The following MACF1 variants were observed in gnomAD, a reference collection of about 807,000 sequenced individuals.
MACF1 encodes the protein microtubule-actin cross-linking factor 1.
In MACF1, 193 loss-of-function variants were observed where a neutral mutation model predicts 854.8. The ratio of observed to expected loss-of-function variants is 0.23; its 90% CI spans 0.20 to 0.25. The LOEUF (loss-of-function observed/expected upper bound fraction) is 0.25. Ranked by LOEUF, MACF1 falls within the 10% of genes least tolerant of loss-of-function variation. MACF1 has a pLI of 1.00. For synonymous variants in MACF1, 3,185 were observed against 3,226.7 expected, an observed-to-expected ratio of 0.99 and a Z score of 0.44; for missense variants, 7,722 against 8,929.1, an observed-to-expected ratio of 0.86 and a Z score of 5.45.
chr1:39,303,876 CAA>C (rs759506102), intron 23 of MACF1, among the ~76,000 whole-genome samples: 6 of 90,800 alleles, frequency 6.6e-5, no homozygotes, highest in Middle Eastern at 6.0e-3. Context: ...GACTCCGTCT[CAA>C]AAAAAAAAAA....
At chr1:39,462,602 C>T (rs1257012199) in intron 93 of MACF1, among the ~76,000 whole-genome samples, 1 of 151,388 alleles carries the variant, frequency 6.6e-6, no homozygotes, top group Non-Finnish European at 1.5e-5. Flanking sequence ...GTAGCCCCAG[C>T]TACTCAGGAG....
intron 70 of MACF1, 29 bp from the exon 71 acceptor site, chr1:39,437,748 G>A (rs755763207): frequency 2.0e-6 from 3 of 1,479,732 alleles, no homozygotes; most frequent in African/African-American, 2.8e-5. Flanking sequence ...GAGGTATGCT[G>A]TGATGGTAAT....
At chr1:39,245,236 A>G (rs942765350) in intron 2 of MACF1, among the ~76,000 whole-genome samples, 9 of 152,182 alleles carry the variant, frequency 5.9e-5, no homozygotes, top group Non-Finnish European at 1.0e-4. Flanking sequence ...GTAGTGTTTA[A>G]TATCTGTTGA....
At chr1:39,097,772 C>A (rs1425398501) in intron 2 of MACF1, among the ~76,000 whole-genome samples, 2 of 152,030 alleles carry the variant, frequency 1.3e-5, no homozygotes, top group African/African-American at 4.8e-5. Context: ...GTTATAGGGG[C>A]CTGTGCCCCA....
intron 2 of MACF1, among the ~76,000 whole-genome samples, chr1:39,132,962 C>T (rs1040089881): frequency 2.0e-5 from 3 of 152,182 alleles, no homozygotes; most frequent in African/African-American, 4.8e-5. Flanking sequence ...TAGAAAAGCT[C>T]GGTCCCTCAT....
chr1:39,384,658 A>G (rs1650531387), intron 56 of MACF1, among the ~76,000 whole-genome samples: 1 of 152,256 alleles, frequency 6.6e-6, no homozygotes, highest in South Asian at 2.1e-4. Context: ...ATTATGCTAT[A>G]TTATAAAATA....
chr1:39,421,448 A>T (rs1301369053), intron 58 of MACF1, among the ~76,000 whole-genome samples: 1 of 152,134 alleles, frequency 6.6e-6, no homozygotes, highest in Non-Finnish European at 1.5e-5. Context: ...TTCCCTTTGT[A>T]ATCAGAGGAA....
At chr1:39,247,894 C>T (rs563331828) in intron 2 of MACF1, among the ~76,000 whole-genome samples, 2 of 152,182 alleles carry the variant, frequency 1.3e-5, no homozygotes, top group African/African-American at 2.4e-5. Context: ...TGGTGGTGCG[C>T]ACCTGTAATC....
intron 38 of MACF1, among the ~76,000 whole-genome samples, chr1:39,337,994 C>T (rs566204273): frequency 1.3e-5 from 2 of 152,264 alleles, no homozygotes; most frequent in Admixed American, 1.3e-4. Flanking sequence ...TGGTCTTGAT[C>T]TCCTGACCTC....
At chr1:39,285,561 G>A (rs1410314009) in intron 13 of MACF1, 43 bp from the exon 14 acceptor site, 1 of 1,598,332 alleles carries the variant, frequency 6.3e-7, no homozygotes, top group Non-Finnish European at 8.6e-7. Flanking sequence ...AGTGAGTGGG[G>A]CAATGGAAGT....
Position 39,357,680 on chromosome 1 carries a change from C to G in MACF1, c.11730C>G (p.Pro3910=). The G allele has an allele frequency of 6.2e-7, 1 of 1,614,086 alleles. No homozygotes were observed. The highest frequency in any genetic ancestry group is 8.5e-7 in the Non-Finnish European group (1 of 1,180,014). The part of the protein sequence containing the change: ...LENMHKGGSS[P]ETLPSLLKRQ... ...ACATGCATAAGGGAGGCAGCAGCCC[C>G]GAGACCCTTCCCTCCCTGCTAAAGC... Residue 3910 remains proline, a synonymous_variant, in exon 45 of 101, where the codon CCC becomes CCG. Coordinates refer to ENST00000564288, the MANE Select transcript of MACF1 (RefSeq NM_001394062.1).
intron 58 of MACF1, chr1:39,412,948 G>T: frequency 1.9e-6 from 3 of 1,599,134 alleles, no homozygotes; most frequent in South Asian, 1.1e-5. Flanking sequence ...AGAGGAGGAG[G>T]ATGTCACAGC....
rs777393576 is a variant in MACF1, at chr1:39,447,666, A to G, written c.19762-26A>G. On this transcript the variant is annotated intron_variant, in intron 81 of 100. Transcript: ENST00000564288. ...ATGCCCCTTTATCTTATCTTAAGCT[A>G]AAAAAGAGCACTATTGTTCCCTCAG... 11 of 1,613,738 alleles carry G rather than the reference A, an allele frequency of 6.8e-6. No homozygotes were observed. In the East Asian group the frequency reaches 1.3e-4, roughly 20 times the overall value.
At chr1:39,086,365 G>T (rs561016105) in intron 2 of MACF1, among the ~76,000 whole-genome samples, 4 of 152,222 alleles carry the variant, frequency 2.6e-5, no homozygotes, top group African/African-American at 9.6e-5. Context: ...GCAGGAGGGA[G>T]AGTTGGAGCT....
intron 58 of MACF1, among the ~76,000 whole-genome samples, chr1:39,406,496 T>G (rs1642704337): frequency 6.6e-6 from 1 of 151,720 alleles, no homozygotes. Flanking sequence ...CCCAGCACTT[T>G]GGGAGGCTGA....
chr1:39,305,193 G>A (rs938023422), intron 23 of MACF1, among the ~76,000 whole-genome samples: 4 of 150,966 alleles, frequency 2.6e-5, no homozygotes, highest in Non-Finnish European at 5.9e-5. Context: ...CCCAGGGTGT[G>A]GAGGTTGCAG....
rs1646393378 is a variant in MACF1, at chr1:39,315,424, C to T, written c.3271-89C>T. 5 of 1,235,534 alleles carry T rather than the reference C, an allele frequency of 4.0e-6. 1 individual carries two copies. In the South Asian group the frequency reaches 7.0e-5, roughly 17 times the overall value. 76.5% of individuals were successfully genotyped at this position (1,235,534 alleles called of 1,614,324 possible). A position where few individuals can be genotyped will look rare whatever the true frequency, so the allele number is the denominator to read the frequency against. On this transcript the variant is annotated intron_variant, in intron 26 of 100. Transcript: ENST00000564288. Reference sequence around the variant, plus strand: ...CTATATATGGGCATTTAGGTGGTTTCCAATATTTAGCTATTACAAATGTGG... The same window carrying T: ...CTATATATGGGCATTTAGGTGGTTTTCAATATTTAGCTATTACAAATGTGG...
In MACF1 at chr1:39,180,653, T is replaced by G. The variant is rs148373465; in HGVS notation, c.221-50529T>G. Among the ~76,000 whole-genome samples the G allele has an allele frequency of 1.3e-4, 20 of 152,298 alleles. No homozygotes were observed. The East Asian group carries it at 3.9e-3, about 29-fold the overall frequency. ...ACAAAGAAGATGTACTTTCTTCTTT[T>G]GATACTTTTTTACATATTTGACGCA... On this transcript the variant is annotated intron_variant, in intron 2 of 93. Coordinates refer to the MACF1 transcript ENST00000361689.
chr1:39,485,806 C>T lies in MACF1; in HGVS notation c.*12C>T, dbSNP rs1182402582. ...GTCCCAAGCGATAACACTGTCTAAG[C>T]ACCCCCAAGCCACTATCCACTTTGA... On this transcript the variant is annotated 3_prime_UTR_variant, in exon 101 of 101. Coordinates refer to ENST00000564288, the MANE Select transcript of MACF1 (RefSeq NM_001394062.1). 1.9e-6 allele frequency: 3 copies of T among 1,566,740 alleles called. No homozygotes were observed. The highest frequency in any genetic ancestry group is 1.8e-5 in the Admixed American group (1 of 56,514).
Sources: gnomAD v4.1 joint callset for allele counts (sites outside exome capture counted in the v4.1 genomes callset) on GRCh38, gnomAD v4.1.1 for gene constraint, MANE v1.5 for transcripts, NCBI Gene and HGNC (gene_info 2026-07-23, HGNC 2026-07-21) for gene names.